The following TRIM9 variants were observed in gnomAD, a reference collection of about 807,000 sequenced individuals.
TRIM9 encodes E3 ubiquitin-protein ligase TRIM9.
Under a neutral mutation model 78.3 loss-of-function variants are expected in TRIM9, and 26 were observed. The ratio of observed to expected loss-of-function variants is 0.33; its 90% CI spans 0.24 to 0.46. The LOEUF (loss-of-function observed/expected upper bound fraction) is 0.46, where lower values mean the gene tolerates loss of function less well. Ranked by LOEUF, TRIM9 falls within the 20% of genes least tolerant of loss-of-function variation. The pLI is 1.00. For synonymous variants in TRIM9, 398 were observed against 416.5 expected, an observed-to-expected ratio of 0.96 and a Z score of 0.54; for missense variants, 787 against 1,036.4, an observed-to-expected ratio of 0.76 and a Z score of 3.30.
At chr14:50,993,645 C>G (rs1007918860) in intron 7 of TRIM9, among the ~76,000 whole-genome samples, 8 of 152,206 alleles carry the variant, frequency 5.3e-5, no homozygotes, top group Non-Finnish European at 8.8e-5. Flanking sequence ...AGTCCTCCTT[C>G]TGGCTGGGAT....
intron 7 of TRIM9, among the ~76,000 whole-genome samples, chr14:50,987,880 C>T (rs2052930686): frequency 1.3e-5 from 2 of 152,156 alleles, no homozygotes; most frequent in South Asian, 2.1e-4. Context: ...CAGCTCACTG[C>T]AACCTTTGCT....
At chr14:51,042,171 G>A (rs1263024753) in intron 1 of TRIM9, among the ~76,000 whole-genome samples, 1 of 152,194 alleles carries the variant, frequency 6.6e-6, no homozygotes, top group Non-Finnish European at 1.5e-5. Flanking sequence ...TATGCTAAGT[G>A]AGCTGGTTTT....
intron 1 of TRIM9, among the ~76,000 whole-genome samples, chr14:51,026,176 G>A (rs575490904): frequency 2.0e-5 from 3 of 152,126 alleles, no homozygotes; most frequent in African/African-American, 4.8e-5. Flanking sequence ...CTGCTGATAC[G>A]GAACCACTGT....
chr14:51,031,105 G>A (rs753278617), intron 1 of TRIM9, among the ~76,000 whole-genome samples: 10 of 128,262 alleles, frequency 7.8e-5, no homozygotes, highest in Non-Finnish European at 1.1e-4. Context: ...CTGTGATTGC[G>A]CCATTGCACT....
At chr14:51,041,950 C>G (rs979145476) in intron 1 of TRIM9, among the ~76,000 whole-genome samples, 1 of 152,128 alleles carries the variant, frequency 6.6e-6, no homozygotes, top group African/African-American at 2.4e-5. Flanking sequence ...TCGCCGAATC[C>G]ATTAAGCCAG....
At chr14:50,984,605 G>A (rs180701248) in intron 8 of TRIM9, among the ~76,000 whole-genome samples, 1 of 152,318 alleles carries the variant, frequency 6.6e-6, no homozygotes. Flanking sequence ...AAATAAGTTT[G>A]TAGAATCTGA....
intron 1 of TRIM9, among the ~76,000 whole-genome samples, chr14:51,053,580 C>CTTTTTTTTTTTTAATTTT: frequency 1.3e-5 from 1 of 74,810 alleles, no homozygotes. Flanking sequence ...TTTTAATTTT[C>CTTTTTTTTTTTTAATTTT]TTTTTTTTTT....
chr14:51,056,643 A>C (rs953021140), intron 1 of TRIM9, among the ~76,000 whole-genome samples: 3 of 152,234 alleles, frequency 2.0e-5, no homozygotes. Flanking sequence ...GGTTTGCATC[A>C]ACAGCTCAGC....
At chr14:51,066,087 A>AGGAAGGAAGGAAGGAAGGAAGGAGGGAG (rs1555346990) in intron 1 of TRIM9, among the ~76,000 whole-genome samples, 1 of 72,372 alleles carries the variant, frequency 1.4e-5, no homozygotes, top group African/African-American at 5.6e-5. Context: ...GAAGGAAGGA[A>AGGAAGGAAGGAAGGAAGGAAGGAGGGAG]GGAGGGAGGG....
intron 1 of TRIM9, among the ~76,000 whole-genome samples, chr14:51,069,344 A>C (rs1461330900): frequency 6.6e-6 from 1 of 152,134 alleles, no homozygotes; most frequent in African/African-American, 2.4e-5. Flanking sequence ...GACATTGGCA[A>C]TGTCTACAGG....
At chr14:51,015,038 T>C (rs768821163) in intron 3 of TRIM9, among the ~76,000 whole-genome samples, 2 of 152,240 alleles carry the variant, frequency 1.3e-5, no homozygotes, top group Non-Finnish European at 1.5e-5. Context: ...TAAAATTTTA[T>C]CAGCGGAGCC....
chr14:50,985,194 T>A (rs1959533), intron 8 of TRIM9, among the ~76,000 whole-genome samples: 38,832 of 152,216 alleles, frequency 0.26, 5,342 homozygotes, highest in South Asian at 0.49. Context: ...AGTCTAGCTT[T>A]GCTGAAATCA....
Position 50,986,055 on chromosome 14 carries a change from T to G in TRIM9, c.1693A>C (p.Asn565His). 1 of 1,549,820 alleles carries G rather than the reference T, an allele frequency of 6.5e-7. No homozygotes were observed. The highest frequency in any genetic ancestry group is 1.2e-5 in the South Asian group (1 of 83,926). ...CTCCCGGGGAAGCTGGGTTGTAGAT[T>G]AAGGGTGGAGGAGAAAGGACTCATT... Reference protein sequence around the residue: ...RRMSPFSSTLNLQPSFPGRSY... With the variant: ...RRMSPFSSTLHLQPSFPGRSY... The change falls in exon 8 of 13, where the codon AAT becomes CAT. Residue 565 changes from asparagine (N) to histidine (H), a missense_variant. Transcript: ENST00000684578.
At position 50,985,823 on chromosome 14, in the gene TRIM9, G is replaced by A. The variant is rs2052632201; in HGVS notation, c.1792+133C>T. The A allele has an allele frequency of 8.8e-6, 7 of 795,052 alleles. No individual in the cohort carries two copies. In the South Asian group the frequency reaches 1.6e-4, roughly 18 times the overall value. 49.2% of individuals were successfully genotyped at this position (795,052 alleles called of 1,614,324 possible). On this transcript the variant is annotated intron_variant, in intron 8 of 12. Transcript: ENST00000684578. ...TCCACCATCCCGATGCTCCTCATAC[G>A]GAAAGCAGGCCACAGACAGAGACTA...
rs375584120 is a variant in TRIM9, at chr14:51,026,085, C to T, written c.823-725G>A. ...CCAGCCTCCTCGTCCGCTGGGGAGG[C>T]CGTGGTACACAATCCTGACGGACGA... On this transcript the variant is annotated intron_variant, in intron 1 of 12. Transcript: ENST00000684578. Among the ~76,000 whole-genome samples, 16 of 152,294 alleles carry T rather than the reference C, an allele frequency of 1.1e-4. No individual in the cohort carries two copies. The East Asian group carries it at 2.7e-3, about 26-fold the overall frequency.
In TRIM9 at chr14:50,979,390, C is replaced by T. The variant is rs1196666724; in HGVS notation, c.2322G>A (p.Val774=). The change falls in exon 12 of 13, where the codon GTG becomes GTA. Residue 774 remains valine (V), a synonymous_variant. Transcript: ENST00000684578. ...FFPAVSLNRN[V]QVTLHTGLPV... ...ACCTCAGGGGCAGGGTGCTTACCTG[C>T]ACGTTCCTGTTCAGGCTGACCGCAG... 6.2e-7 allele frequency: 1 copy of T among 1,614,228 alleles called. No individual in the cohort carries two copies.
chr14:50,985,839 A>G, intron 8 of TRIM9, 117 bp downstream of exon 8: 1 of 943,396 alleles, frequency 1.1e-6, no homozygotes. Flanking sequence ...CAGGCCACAG[A>G]CAGAGACTAG....
At chr14:50,995,408 A>G (rs573165535) in intron 7 of TRIM9, among the ~76,000 whole-genome samples, 1 of 152,192 alleles carries the variant, frequency 6.6e-6, no homozygotes, top group Non-Finnish European at 1.5e-5. Context: ...ACAGCCTAGC[A>G]CACAGTGGTC....
intron 5 of TRIM9, among the ~76,000 whole-genome samples, chr14:51,001,179 ACCC>A (rs2054945336): frequency 6.6e-6 from 1 of 151,974 alleles, no homozygotes; most frequent in African/African-American, 2.4e-5. Flanking sequence ...TTCCAGTCCA[ACCC>A]ACTAAAGCAT....
Sources: allele counts gnomAD v4.1 joint callset (sites outside exome capture counted in the v4.1 genomes callset), GRCh38; gene constraint gnomAD v4.1.1; transcripts MANE v1.5; gene names NCBI Gene and HGNC (gene_info 2026-07-23, HGNC 2026-07-21).